The following ANXA7 variants were observed in gnomAD, a reference collection of about 807,000 sequenced individuals.
ANXA7 encodes the protein annexin VII.
In ANXA7, 55 loss-of-function variants were observed where a neutral mutation model predicts 64.9. The ratio of observed to expected loss-of-function variants is 0.85; its 90% CI spans 0.68 to 1.06. The LOEUF (loss-of-function observed/expected upper bound fraction) is 1.06, where lower values mean the gene tolerates loss of function less well. Among genes scored for constraint, ANXA7 ranks in the 50% least tolerant of loss-of-function variants. The pLI is 0.00. For missense variants in ANXA7, 548 were observed against 582.1 expected, an observed-to-expected ratio of 0.94 and a Z score of 0.60; for synonymous variants, 200 against 192.4, an observed-to-expected ratio of 1.04 and a Z score of -0.33.
intron 1 of ANXA7, among the ~76,000 whole-genome samples, chr10:73,404,339 T>C (rs1238079170): frequency 6.6e-6 from 1 of 152,214 alleles, no homozygotes; most frequent in Non-Finnish European, 1.5e-5. Context: ...AAAGTTATGT[T>C]CTTCAAAAGG....
At chr10:73,393,636 T>G (rs1313495295) in intron 5 of ANXA7, among the ~76,000 whole-genome samples, 1 of 152,162 alleles carries the variant, frequency 6.6e-6, no homozygotes, top group Non-Finnish European at 1.5e-5. Flanking sequence ...TAAATGGTGC[T>G]GGGAAAACTG....
chr10:73,401,732 C>G (rs1390381041), intron 1 of ANXA7, among the ~76,000 whole-genome samples: 1 of 151,986 alleles, frequency 6.6e-6, no homozygotes, highest in Non-Finnish European at 1.5e-5. Flanking sequence ...GAACGCCTAA[C>G]CTCAGGTGAA....
intron 1 of ANXA7, among the ~76,000 whole-genome samples, chr10:73,408,588 C>A (rs2055793914): frequency 6.6e-6 from 1 of 151,798 alleles, no homozygotes; most frequent in South Asian, 2.1e-4. Context: ...GGAATTATGT[C>A]AACAAAAATG....
intron 1 of ANXA7, 32 bp from the exon 2 acceptor site, chr10:73,400,889 G>A (rs1564531658): frequency 6.5e-7 from 1 of 1,550,334 alleles, no homozygotes; most frequent in Admixed American, 1.9e-5. Flanking sequence ...TCCTCTGTAA[G>A]TTTTTTGTTG....
chr10:73,413,566 T>G (rs1351272256), intron 1 of ANXA7, among the ~76,000 whole-genome samples: 1 of 152,174 alleles, frequency 6.6e-6, no homozygotes, highest in Non-Finnish European at 1.5e-5. Flanking sequence ...GCGCATTCTG[T>G]CCTACGGTTC....
chr10:73,387,846 C>CTTTTTTT (rs775570274), intron 6 of ANXA7, 63 bp from the exon 7 acceptor site: 8 of 551,320 alleles, frequency 1.5e-5, no homozygotes, highest in Admixed American at 3.3e-5. Context: ...TTGAGGTCAT[C>CTTTTTTT]TTTTTTTTTT....
chr10:73,384,306 CT>C (rs1284054931), intron 7 of ANXA7, among the ~76,000 whole-genome samples: 2 of 152,262 alleles, frequency 1.3e-5, no homozygotes, highest in East Asian at 1.9e-4. Context: ...ATTATTCAAA[CT>C]GACAAAATGA....
chr10:73,401,340 T>C (rs1390391596), intron 1 of ANXA7, among the ~76,000 whole-genome samples: 1 of 152,136 alleles, frequency 6.6e-6, no homozygotes, highest in East Asian at 1.9e-4. Flanking sequence ...AAAATTAAAA[T>C]GTGGATATTA....
chr10:73,398,523 T>A (rs1354843568), intron 2 of ANXA7, 138 bp from the exon 3 acceptor site: 8 of 744,336 alleles, frequency 1.1e-5, no homozygotes, highest in Admixed American at 2.9e-5. Flanking sequence ...GAAATCCTGG[T>A]ATCTTATACT....
At position 73,389,695 on chromosome 10, in the gene ANXA7, A is replaced by G. The variant is rs910719555; in HGVS notation, c.436-1281T>C. ...GGCTGGAGTGCAGTGGCACAAACAT[A>G]GCTCACAGTAACCTTGAATTCCTGA... On this transcript the variant is annotated intron_variant, in intron 5 of 12. Transcript: ENST00000372921. 1.8e-4 allele frequency among the ~76,000 whole-genome samples: 28 copies of G among 152,328 alleles called. 1 individual carries two copies. Among genetic ancestry groups the G allele is most frequent in the African/African-American group, 5.0e-4 (21 of 41,590 alleles).
At chr10:73,381,148 C>A (rs767762871) in intron 9 of ANXA7, among the ~76,000 whole-genome samples, 2 of 152,108 alleles carry the variant, frequency 1.3e-5, no homozygotes, top group Non-Finnish European at 2.9e-5. Flanking sequence ...AAGTGATCCT[C>A]CTACCTCAGC....
intron 2 of ANXA7, among the ~76,000 whole-genome samples, chr10:73,398,918 A>AC (rs1554817870): frequency 1.3e-5 from 2 of 151,934 alleles, no homozygotes; most frequent in Non-Finnish European, 2.9e-5. Context: ...TGTTCACTGA[A>AC]CTCTTTCTCC....
chr10:73,379,853 TA>T (rs1244032274), intron 11 of ANXA7, 25 bp downstream of exon 11: 11 of 1,605,780 alleles, frequency 6.9e-6, no homozygotes, highest in African/African-American at 5.4e-5. Flanking sequence ...AAAAAGAAAA[TA>T]AAGCAAAGCA....
rs1419284831 is a variant in ANXA7, at chr10:73,378,113, G to A, written c.1278+798C>T. 2.0e-5 allele frequency among the ~76,000 whole-genome samples: 3 copies of A among 151,656 alleles called. No individual in the cohort carries two copies. In the South Asian group the frequency reaches 6.2e-4, roughly 32 times the overall value. On this transcript the variant is annotated intron_variant, in intron 12 of 12. Coordinates refer to ENST00000372921, the MANE Select transcript of ANXA7 (RefSeq NM_001156.5). The stretch of plus-strand genomic sequence containing the variant: ...GTTCAGGCCAGGCGTGGTGGCTCAC[G>A]CCTGTGATCCCAGCACTTTGGGAGG...
At chr10:73,398,481 C>G (rs904537405) in intron 2 of ANXA7, 96 bp from the exon 3 acceptor site, 1 of 1,105,894 alleles carries the variant, frequency 9.0e-7, no homozygotes, top group Non-Finnish European at 1.3e-6. Context: ...TTAAGGTCTA[C>G]CTCATTCTTT....
intron 5 of ANXA7, chr10:73,396,053 A>G (rs754426993): frequency 1.9e-6 from 3 of 1,587,736 alleles, no homozygotes; most frequent in South Asian, 1.1e-5. Flanking sequence ...CTTCACTGCT[A>G]TAATCCAAAG....
At chr10:73,378,233 C>G (rs1436072855) in intron 12 of ANXA7, among the ~76,000 whole-genome samples, 1 of 151,746 alleles carries the variant, frequency 6.6e-6, no homozygotes, top group Non-Finnish European at 1.5e-5. Context: ...AAAAACTTAG[C>G]TGGGCATGGT....
At chr10:73,391,253 A>G (rs148454540) in intron 5 of ANXA7, among the ~76,000 whole-genome samples, 11 of 151,530 alleles carry the variant, frequency 7.3e-5, no homozygotes, top group African/African-American at 2.4e-4. Context: ...AAAATCTGCT[A>G]CCAGAAGTTC....
intron 1 of ANXA7, among the ~76,000 whole-genome samples, chr10:73,404,970 C>T (rs866743753): frequency 2.0e-5 from 3 of 150,898 alleles, no homozygotes; most frequent in East Asian, 2.0e-4. Flanking sequence ...AAATTAGGGC[C>T]GGGCGCGGTG....
Sources: allele counts gnomAD v4.1 joint callset (sites outside exome capture counted in the v4.1 genomes callset), GRCh38; gene constraint gnomAD v4.1.1; transcripts MANE v1.5; gene names NCBI Gene and HGNC (gene_info 2026-07-23, HGNC 2026-07-21).